The following RBFOX1 variants were observed in gnomAD, a reference collection of about 807,000 sequenced individuals.
RBFOX1 encodes the protein RNA binding protein fox-1 homolog 1.
RBFOX1 carries 8 observed loss-of-function variants against 57.7 expected under a neutral mutation model. The ratio of observed to expected loss-of-function variants is 0.14; its 90% CI spans 0.08 to 0.25. The LOEUF is 0.25. Among genes scored for constraint, RBFOX1 ranks in the 10% least tolerant of loss-of-function variants. The probability of loss-of-function intolerance (pLI) is 1.00; values close to 1 mark genes in which losing one functional copy is unlikely to be tolerated. For missense variants in RBFOX1, 611 were observed against 548.5 expected (o/e 1.11, Z -1.14); for synonymous variants, 326 against 222.4 (o/e 1.47, Z -4.15).
intron 2 of RBFOX1, among the ~76,000 whole-genome samples, chr16:6,646,341 A>C (rs1195398957): frequency 6.6e-6 from 1 of 152,188 alleles, no homozygotes; most frequent in Non-Finnish European, 1.5e-5. Context: ...AGCAGATGAC[A>C]AACTAACAAT....
At position 6,034,263 on chromosome 16, in the gene RBFOX1, C is replaced by T. The variant is rs556559698; in HGVS notation, c.-127+14271C>T. Among the ~76,000 whole-genome samples, 6 of 119,706 alleles carry T rather than the reference C, an allele frequency of 5.0e-5. No homozygotes were observed. The East Asian group carries it at 1.5e-3, about 29-fold the overall frequency. 78.5% of individuals were successfully genotyped at this position (119,706 alleles called of 152,430 possible). A position where few individuals can be genotyped will look rare whatever the true frequency, so the allele number is the denominator to read the frequency against. On this transcript the variant is annotated intron_variant, in intron 1 of 15. Coordinates refer to ENST00000550418, the MANE Select transcript of RBFOX1 (RefSeq NM_018723.4). ...GGCAGAAGAATTGCTTGAATGGAGT[C>T]GGAGGTTGCAGTGAGCTGAGATTGC... is the stretch of plus-strand genomic sequence containing the variant.
intron 3 of RBFOX1, among the ~76,000 whole-genome samples, chr16:6,783,182 T>A (rs552954760): frequency 5.3e-4 from 81 of 152,096 alleles, no homozygotes; most frequent in Non-Finnish European, 7.9e-4. Flanking sequence ...TAAAAAAAAA[T>A]TTATTCAGCT....
intron 2 of RBFOX1, among the ~76,000 whole-genome samples, chr16:5,510,575 C>G (rs555131860): frequency 6.6e-6 from 1 of 152,186 alleles, no homozygotes; most frequent in Non-Finnish European, 1.5e-5. Flanking sequence ...TGGAATGATG[C>G]CAGGGTGAAG....
chr16:5,478,934 C>T (rs1315272862), intron 2 of RBFOX1, among the ~76,000 whole-genome samples: 1 of 152,190 alleles, frequency 6.6e-6, no homozygotes, highest in Non-Finnish European at 1.5e-5. Flanking sequence ...GTGGGATCCT[C>T]ACTATCACTA....
Position 6,218,935 on chromosome 16 carries a change from A to G in RBFOX1, c.-126-98060A>G, listed in dbSNP as rs114156385. Reference sequence around the variant, plus strand: ...TGCTGCATGCAAGTATGAATAGGGTATTAACTGTGGTTTTCAACATAAAAG... The same window carrying G: ...TGCTGCATGCAAGTATGAATAGGGTGTTAACTGTGGTTTTCAACATAAAAG... On this transcript the variant is annotated intron_variant, in intron 1 of 15. Transcript: ENST00000550418. Among the ~76,000 whole-genome samples, 1,180 of 152,142 alleles carry G rather than the reference A, an allele frequency of 7.8e-3. 14 individuals are homozygous for G. Among genetic ancestry groups the G allele is most frequent in the African/African-American group, 0.027 (1,123 of 41,512 alleles).
chr16:5,575,554 C>T (rs367640257), intron 2 of RBFOX1, among the ~76,000 whole-genome samples: 35 of 152,342 alleles, frequency 2.3e-4, no homozygotes, highest in East Asian at 2.1e-3. Context: ...CTGGCATCTA[C>T]TCCTACCTGA....
At chr16:6,577,354 A>T (rs1367926512) in intron 2 of RBFOX1, 1 of 152,224 alleles carries the variant, frequency 6.6e-6, no homozygotes, top group African/African-American at 2.4e-5. Flanking sequence ...TTTTGGAGCA[A>T]TAATGCTTAA....
chr16:7,586,538 A>G (rs1470928479), intron 6 of RBFOX1, among the ~76,000 whole-genome samples: 3 of 152,230 alleles, frequency 2.0e-5, no homozygotes, highest in Non-Finnish European at 4.4e-5. Context: ...ACATATCCTG[A>G]AAAATCTGAA....
chr16:6,358,092 G>T (rs1025611649), intron 2 of RBFOX1, among the ~76,000 whole-genome samples: 2 of 152,152 alleles, frequency 1.3e-5, no homozygotes, highest in Non-Finnish European at 2.9e-5. Flanking sequence ...TGAAGAGGAG[G>T]CTCTGAGGCT....
At chr16:5,309,733 G>A (rs1226179291) in intron 1 of RBFOX1, among the ~76,000 whole-genome samples, 1 of 152,098 alleles carries the variant, frequency 6.6e-6, no homozygotes, top group African/African-American at 2.4e-5. Context: ...ATTATAGAGA[G>A]TATAATTTTA....
chr16:7,537,342 G>A (rs141638173), intron 5 of RBFOX1, among the ~76,000 whole-genome samples: 182 of 152,244 alleles, frequency 1.2e-3, no homozygotes, highest in Middle Eastern at 3.4e-3. Context: ...AATTTGGGAC[G>A]GTATAGTCCC....
At chr16:5,242,107 C>G (rs1596283578) in intron 1 of RBFOX1, among the ~76,000 whole-genome samples, 1 of 151,694 alleles carries the variant, frequency 6.6e-6, no homozygotes. Context: ...AAGTGAGACC[C>G]TGTTTCAAGG....
chr16:7,006,111 T>C (rs1332605394), intron 3 of RBFOX1, among the ~76,000 whole-genome samples: 3 of 152,142 alleles, frequency 2.0e-5, no homozygotes, highest in Non-Finnish European at 4.4e-5. Context: ...CATTTAAACA[T>C]CTTTGGCTAG....
At chr16:6,822,672 C>T (rs112273556) in intron 3 of RBFOX1, among the ~76,000 whole-genome samples, 42 of 152,188 alleles carry the variant, frequency 2.8e-4, no homozygotes, top group South Asian at 8.3e-4. Context: ...TTCACTTTTA[C>T]ACGCTATGGT....
At chr16:6,422,458 T>G (rs746183421) in intron 2 of RBFOX1, among the ~76,000 whole-genome samples, 1 of 151,978 alleles carries the variant, frequency 6.6e-6, no homozygotes, top group Non-Finnish European at 1.5e-5. Context: ...CATGTATTAG[T>G]TCACTTGTAT....
chr16:6,711,112 C>T (rs1299744959), intron 3 of RBFOX1, among the ~76,000 whole-genome samples: 15 of 152,272 alleles, frequency 9.9e-5, no homozygotes, highest in East Asian at 5.8e-4. Flanking sequence ...AAATATCATG[C>T]GTCTAATCCC....
intron 4 of RBFOX1, among the ~76,000 whole-genome samples, chr16:6,007,815 C>T (rs1487441993): frequency 6.6e-6 from 1 of 152,016 alleles, no homozygotes; most frequent in African/African-American, 2.4e-5. Flanking sequence ...GTGAGGGATG[C>T]ACAGAACTTT....
intron 2 of RBFOX1, among the ~76,000 whole-genome samples, chr16:5,574,821 T>G (rs1331409326): frequency 6.6e-6 from 1 of 152,180 alleles, no homozygotes; most frequent in Non-Finnish European, 1.5e-5. Context: ...ATTATTTTGT[T>G]GTCTCATTTT....
At chr16:6,145,151 C>G in intron 1 of RBFOX1, among the ~76,000 whole-genome samples, 1 of 151,928 alleles carries the variant, frequency 6.6e-6, no homozygotes, top group South Asian at 2.1e-4. Flanking sequence ...AAGCCTACTG[C>G]CCATTAGTTA....
Sources: allele counts gnomAD v4.1 joint callset (sites outside exome capture counted in the v4.1 genomes callset), GRCh38; gene constraint gnomAD v4.1.1; transcripts MANE v1.5; gene names NCBI Gene and HGNC (gene_info 2026-07-23, HGNC 2026-07-21).